Variants in VEPH1 observed in about 807,000 individuals in gnomAD.
VEPH1 encodes the protein ventricular zone expressed PH domain containing 1.
Under a neutral mutation model 85.2 loss-of-function variants are expected in VEPH1, and 80 were observed. That is an observed-to-expected ratio of 0.94 (90% CI 0.78 to 1.13). The LOEUF is 1.13. VEPH1 is among the 50% of genes most tolerant of loss of function. The probability of loss-of-function intolerance (pLI) is 0.00; values close to 1 mark genes in which losing one functional copy is unlikely to be tolerated. For synonymous variants in VEPH1, 297 were observed against 348.0 expected (o/e 0.85, Z 1.63); for missense variants, 955 against 980.5 (o/e 0.97, Z 0.35).
chr3:157,383,119 G>A (rs768088815), intron 6 of VEPH1, among the ~76,000 whole-genome samples: 15 of 152,168 alleles, frequency 9.9e-5, no homozygotes, highest in Admixed American at 7.2e-4. Context: ...GTGAGCCACC[G>A]TGTCCAGCCA....
At chr3:157,325,812 C>A (rs1721835566) in intron 9 of VEPH1, among the ~76,000 whole-genome samples, 1 of 152,144 alleles carries the variant, frequency 6.6e-6, no homozygotes, top group South Asian at 2.1e-4. Context: ...CTTGGCTATT[C>A]AGGCTCTTCT....
At chr3:157,411,201 A>G (rs554280032) in intron 6 of VEPH1, among the ~76,000 whole-genome samples, 1 of 152,300 alleles carries the variant, frequency 6.6e-6, no homozygotes, top group East Asian at 1.9e-4. Context: ...GCAATAAGGT[A>G]GAAGGAGCCT....
At chr3:157,396,479 T>C (rs1329044549) in intron 6 of VEPH1, among the ~76,000 whole-genome samples, 1 of 152,190 alleles carries the variant, frequency 6.6e-6, no homozygotes, top group Non-Finnish European at 1.5e-5. Context: ...CTGGGTCAAA[T>C]AGTATTTCTG....
chr3:157,368,933 A>G (rs1428439145), intron 7 of VEPH1, among the ~76,000 whole-genome samples: 1 of 151,912 alleles, frequency 6.6e-6, no homozygotes, highest in Non-Finnish European at 1.5e-5. Context: ...CTGTATTTTT[A>G]TTTGTTAGAC....
At chr3:157,437,429 A>G in intron 4 of VEPH1, 1 of 1,510,774 alleles carries the variant, frequency 6.6e-7, no homozygotes, top group Non-Finnish European at 8.9e-7. Context: ...GCAACTTGGC[A>G]CCACCGAGGG....
chr3:157,319,980 T>C (rs983204433), intron 9 of VEPH1, among the ~76,000 whole-genome samples: 3 of 152,202 alleles, frequency 2.0e-5, no homozygotes, highest in African/African-American at 7.2e-5. Flanking sequence ...TTTTTATCCT[T>C]ATTTTTTTCA....
chr3:157,358,759 A>G (rs1725724169), intron 9 of VEPH1, among the ~76,000 whole-genome samples: 1 of 152,218 alleles, frequency 6.6e-6, no homozygotes, highest in Non-Finnish European at 1.5e-5. Context: ...TCACTTTGGG[A>G]GGCCGAGATG....
rs568404481 is a variant in VEPH1 at position 157,350,984 on chromosome 3, A to G, written c.1735+12380T>C. On this transcript the variant is annotated intron_variant, in intron 9 of 13. Transcript: ENST00000362010. The stretch of plus-strand genomic sequence containing the variant: ...GAGGTCCCTCAATATCTACAAATAG[A>G]ACTACCATATGACACAGCAATCCCA... Among the ~76,000 whole-genome samples the G allele has an allele frequency of 1.2e-3, 176 of 152,352 alleles. 3 individuals carry two copies. In the South Asian group the frequency reaches 0.035, roughly 30 times the overall value.
intron 3 of VEPH1, 66 bp downstream of exon 3, chr3:157,470,248 G>A: frequency 6.9e-7 from 1 of 1,448,922 alleles, no homozygotes; most frequent in Non-Finnish European, 9.6e-7. Flanking sequence ...TTGGTTCACA[G>A]ACATCACAGG....
chr3:157,293,774 A>G (rs947219978), intron 11 of VEPH1, among the ~76,000 whole-genome samples: 2 of 152,260 alleles, frequency 1.3e-5, no homozygotes, highest in African/African-American at 2.4e-5. Context: ...AACAAGTTTT[A>G]TAAATGTTTG....
chr3:157,288,003 T>C (rs1717002367), intron 11 of VEPH1, among the ~76,000 whole-genome samples: 1 of 152,264 alleles, frequency 6.6e-6, no homozygotes, highest in Non-Finnish European at 1.5e-5. Context: ...ACCATGCCAA[T>C]GAGTTCCTCT....
At chr3:157,437,112 C>A in intron 4 of VEPH1, 1 of 1,597,998 alleles carries the variant, frequency 6.3e-7, no homozygotes. Flanking sequence ...ACATATCCAC[C>A]TCTTGGTCTA....
chr3:157,438,498 CTT>C (rs1733854546), intron 4 of VEPH1, among the ~76,000 whole-genome samples: 1 of 152,172 alleles, frequency 6.6e-6, no homozygotes, highest in Non-Finnish European at 1.5e-5. Context: ...CAGCGGAATT[CTT>C]CAGGGGTCCC....
At chr3:157,392,229 C>T (rs1366124398) in intron 6 of VEPH1, among the ~76,000 whole-genome samples, 1 of 152,214 alleles carries the variant, frequency 6.6e-6, no homozygotes, top group Non-Finnish European at 1.5e-5. Context: ...ATATCAATAT[C>T]AACCTTGAAT....
At chr3:157,468,276 G>A (rs1736572765) in intron 3 of VEPH1, among the ~76,000 whole-genome samples, 1 of 152,180 alleles carries the variant, frequency 6.6e-6, no homozygotes, top group African/African-American at 2.4e-5. Flanking sequence ...TTGAACATCT[G>A]AAGTGTGACT....
intron 5 of VEPH1, among the ~76,000 whole-genome samples, chr3:157,428,016 C>T (rs531713987): frequency 3.3e-4 from 50 of 152,320 alleles, no homozygotes; most frequent in Non-Finnish European, 6.3e-4. Context: ...TTGGTCTTCT[C>T]CTGTCCTCAG....
intron 3 of VEPH1, among the ~76,000 whole-genome samples, chr3:157,464,438 T>C (rs1736169977): frequency 6.6e-6 from 1 of 152,200 alleles, no homozygotes; most frequent in Non-Finnish European, 1.5e-5. Context: ...AACAAATGAC[T>C]TTAACAGCAG....
At chr3:157,440,082 T>C (rs1308600356) in intron 4 of VEPH1, among the ~76,000 whole-genome samples, 2 of 152,196 alleles carry the variant, frequency 1.3e-5, no homozygotes, top group African/African-American at 4.8e-5. Flanking sequence ...CAAATGCCCA[T>C]GGATATGGTG....
chr3:157,275,382 C>G (rs1577212217), intron 12 of VEPH1, among the ~76,000 whole-genome samples: 1 of 152,100 alleles, frequency 6.6e-6, no homozygotes, highest in Admixed American at 6.6e-5. Flanking sequence ...TCAAGACCAG[C>G]CTGGGCAACA....
Sources: gnomAD v4.1 joint callset for allele counts (sites outside exome capture counted in the v4.1 genomes callset) on GRCh38, gnomAD v4.1.1 for gene constraint, MANE v1.5 for transcripts, NCBI Gene and HGNC (gene_info 2026-07-23, HGNC 2026-07-21) for gene names.